Variants in PIKFYVE observed in about 807,000 individuals in gnomAD.
The protein encoded by PIKFYVE is phosphoinositide kinase, FYVE-type zinc finger containing.
In PIKFYVE, 122 loss-of-function variants were observed where a neutral mutation model predicts 257.9. That is an observed-to-expected ratio of 0.47 (90% CI 0.41 to 0.55). The LOEUF is 0.55. Among genes scored for constraint, PIKFYVE ranks in the 20% least tolerant of loss-of-function variants. The pLI, the probability that PIKFYVE is intolerant of heterozygous loss-of-function variation, is 0.00. For missense variants in PIKFYVE, 2,160 were observed against 2,536.6 expected, an observed-to-expected ratio of 0.85 and a Z score of 3.19; for synonymous variants, 892 against 868.9, an observed-to-expected ratio of 1.03 and a Z score of -0.47.
intron 17 of PIKFYVE, among the ~76,000 whole-genome samples, 198 bp from the exon 18 acceptor site, chr2:208,323,944 T>G (rs1696610577): frequency 1.2e-5 from 1 of 86,862 alleles, no homozygotes; most frequent in South Asian, 4.7e-4. Flanking sequence ...TTCGCCCACT[T>G]TTTGATGGGG....
At chr2:208,301,960 G>C (rs1254430411) in intron 9 of PIKFYVE, among the ~76,000 whole-genome samples, 1 of 152,118 alleles carries the variant, frequency 6.6e-6, no homozygotes, top group Non-Finnish European at 1.5e-5. Flanking sequence ...GTTAAGTATA[G>C]GGTTGTGCGT....
chr2:208,346,280 A>T, intron 34 of PIKFYVE, 133 bp downstream of exon 34: 1 of 815,016 alleles, frequency 1.2e-6, no homozygotes, highest in African/African-American at 1.7e-5. Context: ...ATACAAATTT[A>T]GATATTTTTG....
chr2:208,317,783 A>G, intron 15 of PIKFYVE, 84 bp from the exon 16 acceptor site: 1 of 1,307,006 alleles, frequency 7.7e-7, no homozygotes, highest in Non-Finnish European at 1.1e-6. Flanking sequence ...TTTAAAAAAA[A>G]TGGAAAGAAA....
At chr2:208,281,645 CAG>C (rs1008100221) in intron 5 of PIKFYVE, among the ~76,000 whole-genome samples, 2 of 152,154 alleles carry the variant, frequency 1.3e-5, no homozygotes, top group African/African-American at 4.8e-5. Flanking sequence ...GCAGCTAACT[CAG>C]GGGAGGTCAT....
chr2:208,349,519 AATT>A (rs1204069908), intron 35 of PIKFYVE, among the ~76,000 whole-genome samples: 1 of 149,846 alleles, frequency 6.7e-6, no homozygotes, highest in East Asian at 1.9e-4. Context: ...TATGTTATAT[AATT>A]ATATATGTTA....
chr2:208,306,089 G>A (rs1694281294), intron 12 of PIKFYVE, among the ~76,000 whole-genome samples: 1 of 152,206 alleles, frequency 6.6e-6, no homozygotes, highest in Admixed American at 6.5e-5. Context: ...ATTTCTCATA[G>A]TTGTCAGTAT....
intron 32 of PIKFYVE, among the ~76,000 whole-genome samples, chr2:208,343,724 C>T (rs774376880): frequency 6.6e-6 from 1 of 152,060 alleles, no homozygotes; most frequent in Non-Finnish European, 1.5e-5. Context: ...GTTCTTATGC[C>T]TTATTCCGTA....
chr2:208,333,698 CACTT>C (rs1247054478), intron 24 of PIKFYVE, among the ~76,000 whole-genome samples: 4 of 152,162 alleles, frequency 2.6e-5, no homozygotes, highest in Non-Finnish European at 5.9e-5. Flanking sequence ...TTATTATCCT[CACTT>C]ACAGAGCTTA....
At chr2:208,324,509 G>C (rs1696689364) in intron 18 of PIKFYVE, among the ~76,000 whole-genome samples, 1 of 152,138 alleles carries the variant, frequency 6.6e-6, no homozygotes, top group South Asian at 2.1e-4. Flanking sequence ...AAGACCAAAA[G>C]TGAAATGGAC....
intron 1 of PIKFYVE, among the ~76,000 whole-genome samples, chr2:208,267,501 AGT>A (rs1491131092): frequency 2.6e-5 from 1 of 38,146 alleles, no homozygotes; most frequent in Non-Finnish European, 5.0e-5. Flanking sequence ...TTACATTGCC[AGT>A]TTTTTTTTTT....
chr2:208,272,167 G>T (rs371950854), intron 2 of PIKFYVE, among the ~76,000 whole-genome samples: 17 of 152,038 alleles, frequency 1.1e-4, no homozygotes, highest in African/African-American at 3.9e-4. Context: ...CCCAGGAGGC[G>T]GGGCTTGCAG....
chr2:208,354,714 A>C (rs1337716613), intron 41 of PIKFYVE, 69 bp downstream of exon 41: 2 of 1,231,318 alleles, frequency 1.6e-6, no homozygotes, highest in Non-Finnish European at 2.4e-6. Flanking sequence ...AAAAGTGGAT[A>C]CTGATTCTTT....
chr2:208,344,830 T>G (rs1165321785), intron 32 of PIKFYVE, among the ~76,000 whole-genome samples: 1 of 152,148 alleles, frequency 6.6e-6, no homozygotes, highest in African/African-American at 2.4e-5. Flanking sequence ...CCTGAAGTCA[T>G]TTGATCTAAA....
chr2:208,349,195 T>C (rs750378697), intron 35 of PIKFYVE, among the ~76,000 whole-genome samples: 1 of 152,102 alleles, frequency 6.6e-6, no homozygotes, highest in Non-Finnish European at 1.5e-5. Context: ...GTAATAAATT[T>C]TGACTAGTAA....
At chr2:208,340,213 C>T in intron 31 of PIKFYVE, 82 bp downstream of exon 31, 2 of 1,510,082 alleles carry the variant, frequency 1.3e-6, no homozygotes, top group Non-Finnish European at 1.8e-6. Context: ...ATATATTTAT[C>T]TGATGCATGA....
chr2:208,321,497 G>T (rs1460705415), intron 17 of PIKFYVE, among the ~76,000 whole-genome samples: 1 of 151,960 alleles, frequency 6.6e-6, no homozygotes, highest in Non-Finnish European at 1.5e-5. Flanking sequence ...TAAAAATGAT[G>T]GGTTTTGACT....
intron 7 of PIKFYVE, among the ~76,000 whole-genome samples, chr2:208,295,376 T>C (rs545609779): frequency 7.9e-5 from 12 of 152,224 alleles, no homozygotes; most frequent in Non-Finnish European, 1.6e-4. Flanking sequence ...TATTATGTAA[T>C]ATACTGTAGG....
At chr2:208,355,150 T>C (rs766824007) in intron 41 of PIKFYVE, 40 bp from the exon 42 acceptor site, 27 of 1,496,922 alleles carry the variant, frequency 1.8e-5, no homozygotes, top group Non-Finnish European at 2.5e-5. Context: ...CAATCAATTA[T>C]ATAACAGCTT....
In PIKFYVE at chr2:208,336,817, A is replaced by T. The variant is rs199762450; in HGVS notation, c.4521-21A>T. The stretch of plus-strand genomic sequence containing the variant: ...CTAGAAACAAACCATATATATATAT[A>T]TTTTTTGCTTTTGGCCACAGGTTGC... On this transcript the variant is annotated intron_variant, in intron 27 of 41. Coordinates refer to ENST00000264380, the MANE Select transcript of PIKFYVE (RefSeq NM_015040.4). 4.1e-4 allele frequency: 630 copies of T among 1,522,716 alleles called. 2 individuals are homozygous for T. In the African/African-American group the frequency reaches 6.9e-3, roughly 17 times the overall value. The allele number at this position is 1,522,716 out of a possible 1,614,324, so 94.3% of individuals were successfully genotyped here.
Sources: gnomAD v4.1 joint callset for allele counts (sites outside exome capture counted in the v4.1 genomes callset) on GRCh38, gnomAD v4.1.1 for gene constraint, MANE v1.5 for transcripts, NCBI Gene and HGNC (gene_info 2026-07-23, HGNC 2026-07-21) for gene names.